Variants in OSBPL8 observed in about 807,000 individuals in gnomAD.
OSBPL8 encodes oxysterol-binding protein-related protein 8.
A neutral mutation model predicts 125.5 loss-of-function variants in OSBPL8; 59 were observed. That is an observed-to-expected ratio of 0.47 (90% CI 0.38 to 0.58). The LOEUF (loss-of-function observed/expected upper bound fraction) is 0.58, where lower values mean the gene tolerates loss of function less well. Ranked by LOEUF, OSBPL8 falls within the 20% of genes least tolerant of loss-of-function variation. The pLI, the probability that OSBPL8 is intolerant of heterozygous loss-of-function variation, is 0.00. For missense variants in OSBPL8, 758 were observed against 1,047.8 expected (o/e 0.72, Z 3.82); for synonymous variants, 330 against 338.9 (o/e 0.97, Z 0.29).
intron 2 of OSBPL8, among the ~76,000 whole-genome samples, chr12:76,480,872 G>C (rs1056425696): frequency 6.6e-6 from 1 of 152,182 alleles, no homozygotes; most frequent in African/African-American, 2.4e-5. Context: ...CTTCTGTAGT[G>C]AAAGGGGCTC....
At chr12:76,466,891 G>A (rs1021626010) in intron 2 of OSBPL8, among the ~76,000 whole-genome samples, 2 of 151,892 alleles carry the variant, frequency 1.3e-5, no homozygotes, top group African/African-American at 2.4e-5. Context: ...ACCCGGGGGC[G>A]GGGGCGGAGG....
chr12:76,478,863 A>C (rs1592754106), intron 2 of OSBPL8, among the ~76,000 whole-genome samples: 1 of 152,162 alleles, frequency 6.6e-6, no homozygotes, highest in Non-Finnish European at 1.5e-5. Flanking sequence ...AGGCGGGTGG[A>C]TCATGACGTC....
intron 4 of OSBPL8, among the ~76,000 whole-genome samples, chr12:76,435,348 G>C (rs1279110152): frequency 1.3e-5 from 2 of 152,120 alleles, no homozygotes; most frequent in Non-Finnish European, 2.9e-5. Context: ...ATTTAAAATA[G>C]TTGAACTCAT....
In OSBPL8 at chr12:76,392,710, G is replaced by C. The variant is rs200981313; in HGVS notation, c.800C>G (p.Ser267Cys). ...MDALELALKC[S>C]SLLKRTMIRE... is the part of the protein sequence containing the mutation. Reference sequence around the variant, plus strand: ...GATCATTGTACGTTTAAGAAGACTAGAACATTTCAAAGCCAACTCCAAAGC... The same window carrying C: ...GATCATTGTACGTTTAAGAAGACTACAACATTTCAAAGCCAACTCCAAAGC... The change falls in exon 10 of 24, where the codon TCT (serine) becomes TGT (cysteine). Residue 267 changes from serine (S) to cysteine (C), a missense_variant. By Grantham distance (112) the Ser-to-Cys change is moderately radical. Around this residue, in one of 3 missense-constraint regions of OSBPL8, gnomAD observed 572 missense variants for 762.0 expected, o/e 0.75. Coordinates refer to ENST00000261183, the MANE Select transcript of OSBPL8 (RefSeq NM_020841.5). 2 of 1,613,706 alleles carry C rather than the reference G, an allele frequency of 1.2e-6. No homozygotes were observed. Among genetic ancestry groups the C allele is most frequent in the Non-Finnish European group, 1.7e-6 (2 of 1,179,710 alleles).
intron 1 of OSBPL8, among the ~76,000 whole-genome samples, chr12:76,553,976 CAAAAAAAAAA>C (rs11395533): frequency 2.1e-5 from 2 of 95,710 alleles, no homozygotes; most frequent in Admixed American, 1.3e-4. Context: ...GACTCTATCT[CAAAAAAAAAA>C]AAAAAAAAAC....
chr12:76,357,937 A>G (rs1036122653), intron 22 of OSBPL8, among the ~76,000 whole-genome samples: 2 of 151,970 alleles, frequency 1.3e-5, no homozygotes, highest in African/African-American at 4.8e-5. Flanking sequence ...TACTTTACAC[A>G]TTATCTGACT....
At chr12:76,409,930 A>G (rs1231514522) in intron 5 of OSBPL8, among the ~76,000 whole-genome samples, 1 of 152,224 alleles carries the variant, frequency 6.6e-6, no homozygotes, top group African/African-American at 2.4e-5. Context: ...ATATCTTACC[A>G]GAAAGAACAG....
chr12:76,393,685 T>C (rs918460147), intron 9 of OSBPL8, among the ~76,000 whole-genome samples: 7 of 102,124 alleles, frequency 6.9e-5, no homozygotes, highest in African/African-American at 2.8e-4. Flanking sequence ...CACTCCAGCC[T>C]GGGCGACAGA....
chr12:76,431,890 A>C (rs1172404866), intron 4 of OSBPL8, among the ~76,000 whole-genome samples: 3 of 152,170 alleles, frequency 2.0e-5, no homozygotes, highest in African/African-American at 7.2e-5. Flanking sequence ...AATGGACCCA[A>C]CAGACACACA....
chr12:76,511,490 T>G (rs1482594917), intron 1 of OSBPL8, among the ~76,000 whole-genome samples: 2 of 152,202 alleles, frequency 1.3e-5, no homozygotes, highest in Non-Finnish European at 2.9e-5. Context: ...GATACTGAGC[T>G]TTTTTTCATA....
intron 4 of OSBPL8, among the ~76,000 whole-genome samples, chr12:76,420,063 G>A (rs1327329668): frequency 2.0e-5 from 3 of 152,070 alleles, no homozygotes; most frequent in Non-Finnish European, 4.4e-5. Flanking sequence ...CTGATAAGGC[G>A]TTATCTTTTT....
At chr12:76,525,726 G>A (rs1251738545) in intron 1 of OSBPL8, among the ~76,000 whole-genome samples, 2 of 151,688 alleles carry the variant, frequency 1.3e-5, no homozygotes. Context: ...TATCTTTGAG[G>A]GAGTATAAAA....
At chr12:76,516,035 T>G (rs905309784) in intron 1 of OSBPL8, among the ~76,000 whole-genome samples, 2 of 152,186 alleles carry the variant, frequency 1.3e-5, no homozygotes, top group Non-Finnish European at 2.9e-5. Context: ...AACTGAGGTA[T>G]GCAAAGAAAA....
intron 1 of OSBPL8, among the ~76,000 whole-genome samples, chr12:76,521,531 A>T (rs1882060378): frequency 6.6e-6 from 1 of 152,242 alleles, no homozygotes; most frequent in Admixed American, 6.5e-5. Flanking sequence ...ATTCACAATA[A>T]CTAAAATGTG....
intron 1 of OSBPL8, among the ~76,000 whole-genome samples, chr12:76,492,943 T>C (rs2137061383): frequency 6.6e-6 from 1 of 151,824 alleles, no homozygotes; most frequent in African/African-American, 2.4e-5. Context: ...GATATTTTTT[T>C]TTTGCTTTCA....
chr12:76,382,615 G>T (rs764285786), intron 15 of OSBPL8, among the ~76,000 whole-genome samples: 22 of 152,192 alleles, frequency 1.4e-4, no homozygotes, highest in Non-Finnish European at 2.6e-4. Context: ...GGGTGCAGTG[G>T]CTCACGCCTG....
intron 1 of OSBPL8, among the ~76,000 whole-genome samples, chr12:76,502,116 G>C (rs1879965597): frequency 1.3e-5 from 2 of 152,166 alleles, no homozygotes; most frequent in Non-Finnish European, 2.9e-5. Context: ...TGTAGCATCA[G>C]CTATGGAGCA....
intron 5 of OSBPL8, among the ~76,000 whole-genome samples, chr12:76,403,770 A>G (rs1480434220): frequency 6.6e-6 from 1 of 152,232 alleles, no homozygotes. Flanking sequence ...CCAGATGTGC[A>G]TAATACCACT....
intron 1 of OSBPL8, among the ~76,000 whole-genome samples, chr12:76,524,093 AAG>A (rs1161496117): frequency 6.6e-6 from 1 of 152,202 alleles, no homozygotes; most frequent in African/African-American, 2.4e-5. Context: ...GAATGAAGGA[AAG>A]AGAAAAAATG....
Sources: allele counts gnomAD v4.1 joint callset (sites outside exome capture counted in the v4.1 genomes callset), GRCh38; gene constraint gnomAD v4.1.1; regional missense constraint gnomAD v4.1.1; transcripts MANE v1.5; gene names NCBI Gene and HGNC (gene_info 2026-07-23, HGNC 2026-07-21).